TMEFF1: variants seen among roughly 807,000 people sequenced by gnomAD.
The protein encoded by TMEFF1 is tomoregulin-1.
Under a neutral mutation model 47.5 loss-of-function variants are expected in TMEFF1, and 20 were observed. The ratio of observed to expected loss-of-function variants is 0.42; its 90% CI spans 0.30 to 0.61. The LOEUF is 0.61. Ranked by LOEUF, TMEFF1 falls within the 20% of genes least tolerant of loss-of-function variation. The probability of loss-of-function intolerance (pLI) is 0.19; values close to 1 mark genes in which losing one functional copy is unlikely to be tolerated. For missense variants in TMEFF1, 411 were observed against 471.1 expected (o/e 0.87, Z 1.18); for synonymous variants, 162 against 166.3 (o/e 0.97, Z 0.20).
intron 5 of TMEFF1, among the ~76,000 whole-genome samples, chr9:100,543,483 G>C (rs150554581): frequency 9.9e-5 from 15 of 152,110 alleles, no homozygotes; most frequent in Non-Finnish European, 1.9e-4. Flanking sequence ...ATGTGTCTCT[G>C]TGGGCTGAGC....
At chr9:100,510,734 C>A (rs1289601389) in intron 3 of TMEFF1, among the ~76,000 whole-genome samples, 1 of 152,098 alleles carries the variant, frequency 6.6e-6, no homozygotes, top group East Asian at 1.9e-4. Context: ...CTTGGCCTCT[C>A]AAAGTGCTGG....
chr9:100,513,925 G>T (rs1838015704), intron 4 of TMEFF1, among the ~76,000 whole-genome samples: 1 of 152,046 alleles, frequency 6.6e-6, no homozygotes, highest in African/African-American at 2.4e-5. Flanking sequence ...CTATGTTTTT[G>T]ATTTTATTTT....
At chr9:100,556,753 C>T (rs956175282) in intron 7 of TMEFF1, among the ~76,000 whole-genome samples, 2 of 152,148 alleles carry the variant, frequency 1.3e-5, no homozygotes, top group East Asian at 3.8e-4. Context: ...AAAACATCTT[C>T]AAACCATTTT....
intron 5 of TMEFF1, among the ~76,000 whole-genome samples, chr9:100,547,326 C>T (rs1182863532): frequency 6.6e-6 from 1 of 152,028 alleles, no homozygotes; most frequent in Non-Finnish European, 1.5e-5. Context: ...ATTATTATTA[C>T]CTCCATTTTA....
At chr9:100,555,473 G>A (rs1237241441) in intron 7 of TMEFF1, among the ~76,000 whole-genome samples, 4 of 152,178 alleles carry the variant, frequency 2.6e-5, no homozygotes, top group African/African-American at 9.7e-5. Context: ...TCCTAGGATA[G>A]CTTGGAGAAA....
chr9:100,515,730 G>A (rs967888110), intron 4 of TMEFF1, among the ~76,000 whole-genome samples: 6 of 151,964 alleles, frequency 3.9e-5, no homozygotes, highest in African/African-American at 1.4e-4. Context: ...AGGTTCAAGT[G>A]ATTCTCCAGG....
At chr9:100,524,918 G>C (rs1457283230) in intron 5 of TMEFF1, among the ~76,000 whole-genome samples, 1 of 152,106 alleles carries the variant, frequency 6.6e-6, no homozygotes, top group Non-Finnish European at 1.5e-5. Context: ...AGGCCCCGGT[G>C]TGTGATGAGG....
intron 5 of TMEFF1, among the ~76,000 whole-genome samples, chr9:100,523,684 C>G (rs1325819289): frequency 1.3e-5 from 2 of 152,104 alleles, no homozygotes; most frequent in Admixed American, 6.5e-5. Flanking sequence ...GCTAAATAAA[C>G]TTACTATATT....
chr9:100,532,385 A>C (rs920407804), intron 5 of TMEFF1, among the ~76,000 whole-genome samples: 12 of 152,242 alleles, frequency 7.9e-5, no homozygotes, highest in Non-Finnish European at 1.2e-4. Context: ...GAACTCCAAC[A>C]AATTTACAAG....
intron 5 of TMEFF1, among the ~76,000 whole-genome samples, chr9:100,527,218 C>G (rs1247608450): frequency 6.6e-6 from 1 of 152,006 alleles, no homozygotes; most frequent in East Asian, 1.9e-4. Flanking sequence ...TAAAAAATGC[C>G]TGGATCCGGA....
chr9:100,476,284 C>T (rs958593943), intron 1 of TMEFF1, among the ~76,000 whole-genome samples: 2 of 152,016 alleles, frequency 1.3e-5, no homozygotes, highest in Non-Finnish European at 2.9e-5. Flanking sequence ...GTTTGAGAAC[C>T]ATGTTAATAC....
chr9:100,478,451 C>G (rs1243066849), intron 1 of TMEFF1, among the ~76,000 whole-genome samples: 1 of 152,150 alleles, frequency 6.6e-6, no homozygotes, highest in Non-Finnish European at 1.5e-5. Context: ...GTAGTTCAGA[C>G]TACAGGTGCG....
chr9:100,570,604 C>T (rs1490027991), intron 8 of TMEFF1, among the ~76,000 whole-genome samples: 1 of 151,920 alleles, frequency 6.6e-6, no homozygotes, highest in African/African-American at 2.4e-5. Context: ...GGGTTTATTT[C>T]TAGGCTCTCC....
At chr9:100,499,792 C>T (rs529971651) in intron 2 of TMEFF1, among the ~76,000 whole-genome samples, 21 of 152,252 alleles carry the variant, frequency 1.4e-4, no homozygotes, top group African/African-American at 4.6e-4. Context: ...GGAAAGAAAG[C>T]TTGCATATGA....
intron 1 of TMEFF1, among the ~76,000 whole-genome samples, chr9:100,479,131 T>A (rs182735386): frequency 6.8e-4 from 103 of 152,328 alleles, no homozygotes; most frequent in Non-Finnish European, 1.1e-3. Flanking sequence ...AGGGCTTTTA[T>A]CTTCTAGATC....
chr9:100,561,353 G>A (rs375791526), intron 7 of TMEFF1, 44 bp from the exon 8 acceptor site: 27 of 1,587,034 alleles, frequency 1.7e-5, no homozygotes, highest in Non-Finnish European at 2.1e-5. Flanking sequence ...TTATTTTTCA[G>A]CTTGCGTTTC....
intron 5 of TMEFF1, among the ~76,000 whole-genome samples, chr9:100,526,024 T>C (rs1309405706): frequency 1.3e-5 from 2 of 152,234 alleles, no homozygotes; most frequent in Admixed American, 6.5e-5. Flanking sequence ...TGTGAGATTT[T>C]AAAAACGTTT....
At position 100,495,651 on chromosome 9, in the gene TMEFF1, G is replaced by A. The variant is rs140325186; in HGVS notation, c.197-3114G>A. ...CTGATGATAAACTAATCACATTTAT[G>A]CATGAACACACATGAAACTAGCATG... On this transcript the variant is annotated intron_variant, in intron 1 of 9. Coordinates refer to ENST00000374879, the MANE Select transcript of TMEFF1 (RefSeq NM_003692.5). 2.5e-3 allele frequency among the ~76,000 whole-genome samples: 378 copies of A among 152,204 alleles called. 2 individuals are homozygous for A. The highest frequency in any genetic ancestry group is 0.018 in the South Asian group (86 of 4,804).
chr9:100,502,498 A>G (rs1417608256), intron 2 of TMEFF1, among the ~76,000 whole-genome samples: 1 of 151,924 alleles, frequency 6.6e-6, no homozygotes, highest in Non-Finnish European at 1.5e-5. Flanking sequence ...TAGCTGGGAC[A>G]GCAGGTGTGC....
Sources: gnomAD v4.1 joint callset for allele counts (sites outside exome capture counted in the v4.1 genomes callset) on GRCh38, gnomAD v4.1.1 for gene constraint, MANE v1.5 for transcripts, NCBI Gene and HGNC (gene_info 2026-07-23, HGNC 2026-07-21) for gene names.